DAPK2: variants seen among roughly 807,000 people sequenced by gnomAD.
The protein encoded by DAPK2 is death-associated protein kinase 2.
Under a neutral mutation model 44.1 loss-of-function variants are expected in DAPK2, and 35 were observed. The ratio of observed to expected loss-of-function variants is 0.79; its 90% CI spans 0.61 to 1.05. The LOEUF (loss-of-function observed/expected upper bound fraction) is 1.05, where lower values mean the gene tolerates loss of function less well. Among genes scored for constraint, DAPK2 ranks in the 50% least tolerant of loss-of-function variants. DAPK2 has a pLI of 0.00. For missense variants in DAPK2, 453 were observed against 483.2 expected, an observed-to-expected ratio of 0.94 and a Z score of 0.59; for synonymous variants, 174 against 182.6, an observed-to-expected ratio of 0.95 and a Z score of 0.38.
upstream of DAPK2, among the ~76,000 whole-genome samples, chr15:64,041,437 G>C (rs528745942): frequency 3.9e-5 from 6 of 152,310 alleles, no homozygotes; most frequent in African/African-American, 1.2e-4. Context: ...CGTCTCCTGG[G>C]ATCCCTCTGC....
intron 1 of DAPK2, among the ~76,000 whole-genome samples, chr15:64,019,984 C>T (rs1390957355): frequency 2.6e-5 from 4 of 152,210 alleles, no homozygotes; most frequent in Non-Finnish European, 4.4e-5. Flanking sequence ...AAAACAGGCA[C>T]TGGTCACAGA....
At position 64,046,171 on chromosome 15, in the gene DAPK2, G is replaced by T; in HGVS notation, c.-7+127C>A. On this transcript the variant is annotated intron_variant, in intron 1 of 11. Coordinates refer to the DAPK2 transcript ENST00000457488. This position sits in a 1 kb window ranked among gnomAD's most constrained non-coding sequence, Gnocchi z 5.3. ...GGCCACGGCGTCAGGCATTGGGGCGGCGGGCCCGGGATCTGCGAGCGAGTG... is the reference window on the plus strand; with the variant it reads ...GGCCACGGCGTCAGGCATTGGGGCGTCGGGCCCGGGATCTGCGAGCGAGTG... 1 of 285,314 alleles carries T rather than the reference G, an allele frequency of 3.5e-6. No individual in the cohort carries two copies. 17.7% of individuals were successfully genotyped at this position (285,314 alleles called of 1,614,324 possible).
chr15:63,941,340 T>G (rs959530567), intron 3 of DAPK2, among the ~76,000 whole-genome samples: 1 of 152,158 alleles, frequency 6.6e-6, no homozygotes, highest in African/African-American at 2.4e-5. Context: ...TGTGATGACA[T>G]TTGGCATGCT....
intron 1 of DAPK2, among the ~76,000 whole-genome samples, chr15:64,005,832 C>T (rs2079212298): frequency 6.6e-6 from 1 of 151,956 alleles, no homozygotes; most frequent in Non-Finnish European, 1.5e-5. Context: ...AGTTCAGGAC[C>T]AGCCAGGGCA....
intron 1 of DAPK2, among the ~76,000 whole-genome samples, chr15:64,015,906 G>A (rs898311557): frequency 2.6e-5 from 4 of 152,178 alleles, no homozygotes; most frequent in Non-Finnish European, 4.4e-5. Context: ...TTGGACTTCC[G>A]ACCTCTACAA....
chr15:63,994,263 C>T (rs2078889011), intron 1 of DAPK2, among the ~76,000 whole-genome samples: 1 of 152,090 alleles, frequency 6.6e-6, no homozygotes, highest in Admixed American at 6.5e-5. Context: ...GAAATGATGA[C>T]CTAAGCTGAA....
chr15:63,931,864 A>C (rs1363813354), intron 4 of DAPK2, among the ~76,000 whole-genome samples: 2 of 152,132 alleles, frequency 1.3e-5, no homozygotes, highest in African/African-American at 4.8e-5. Flanking sequence ...CGCAGTGCCC[A>C]GAGTGTCAAG....
chr15:63,931,379 C>T (rs7167773), intron 4 of DAPK2, among the ~76,000 whole-genome samples: 8,321 of 152,102 alleles, frequency 0.055, 513 homozygotes, highest in African/African-American at 0.15. Flanking sequence ...ACACCGAACA[C>T]CTGAAAAAGG....
chr15:64,019,959 C>T lies in DAPK2; in HGVS notation c.92+20211G>A, dbSNP rs1181305833. On this transcript the variant is annotated intron_variant, in intron 1 of 10. Transcript: ENST00000261891. ...TTTCATGCCACAGAGTCAATATTTA[C>T]TAGCCATGTTGCTAAAAACAGGCAC... 3.3e-5 allele frequency among the ~76,000 whole-genome samples: 5 copies of T among 152,196 alleles called. No individual in the cohort carries two copies. In the East Asian group the frequency reaches 9.6e-4, roughly 29 times the overall value.
intron 6 of DAPK2, among the ~76,000 whole-genome samples, chr15:63,926,572 CAA>C (rs1400824933): frequency 6.6e-6 from 1 of 152,014 alleles, no homozygotes; most frequent in African/African-American, 2.4e-5. Flanking sequence ...GCAGAGCCCA[CAA>C]AGTTTGGAAA....
chr15:64,016,703 A>T (rs572684948), intron 1 of DAPK2, among the ~76,000 whole-genome samples: 2 of 152,040 alleles, frequency 1.3e-5, no homozygotes, highest in Non-Finnish European at 2.9e-5. Flanking sequence ...TGAAGTGGGA[A>T]GATCGCTTGA....
intron 4 of DAPK2, among the ~76,000 whole-genome samples, chr15:63,938,899 G>A (rs1212553370): frequency 6.6e-5 from 10 of 152,174 alleles, no homozygotes; most frequent in Non-Finnish European, 1.5e-4. Flanking sequence ...ATTCAAGAGG[G>A]CGAGGTAATT....
intron 8 of DAPK2, chr15:63,920,160 T>C (rs79859761): frequency 6.6e-5 from 10 of 152,306 alleles, no homozygotes; most frequent in African/African-American, 2.4e-4. Context: ...CGGGAGAGGA[T>C]AGTACTGTTT....
At chr15:63,921,599 TG>T (rs1409194223) in intron 8 of DAPK2, 1 of 152,246 alleles carries the variant, frequency 6.6e-6, no homozygotes, top group Non-Finnish European at 1.5e-5. Context: ...CTCAAAGCTT[TG>T]GGTCATGAAA....
At chr15:64,038,356 G>A (rs1395455704) in intron 1 of DAPK2, among the ~76,000 whole-genome samples, 1 of 152,222 alleles carries the variant, frequency 6.6e-6, no homozygotes, top group Non-Finnish European at 1.5e-5. Context: ...TGGCAGGGCT[G>A]GCTGTGGTTT....
chr15:63,948,400 G>A (rs1164186712), intron 3 of DAPK2, among the ~76,000 whole-genome samples: 1 of 151,854 alleles, frequency 6.6e-6, no homozygotes, highest in East Asian at 1.9e-4. Context: ...GAAGGTGAAG[G>A]GAAAGCAGGC....
intron 3 of DAPK2, among the ~76,000 whole-genome samples, chr15:63,959,126 G>A (rs1379525323): frequency 1.3e-5 from 2 of 152,134 alleles, no homozygotes; most frequent in Admixed American, 6.6e-5. Flanking sequence ...ATTGTGAATG[G>A]GAGTTCACTT....
intron 1 of DAPK2, among the ~76,000 whole-genome samples, chr15:64,002,173 C>A (rs1461969342): frequency 2.0e-5 from 3 of 152,186 alleles, no homozygotes; most frequent in African/African-American, 4.8e-5. Flanking sequence ...GCACAGTCAA[C>A]CTCCAAGGTG....
At chr15:64,046,374 G>A (rs867963964), upstream of DAPK2, 379 of 360,560 alleles carry the variant, frequency 1.1e-3, 2 homozygotes, top group Middle Eastern at 4.8e-3. The surrounding 1 kb of genome is among the most constrained non-coding windows in gnomAD (Gnocchi z 5.3). Context: ...CGCGGCGGGC[G>A]CGGCGGGCGC....
Sources: allele counts gnomAD v4.1 joint callset (sites outside exome capture counted in the v4.1 genomes callset), GRCh38; gene constraint gnomAD v4.1.1; non-coding constraint Gnocchi (gnomAD v3.1); transcripts MANE v1.5; gene names NCBI Gene and HGNC (gene_info 2026-07-23, HGNC 2026-07-21).